The following SPMIP11 variants were observed in gnomAD, a reference collection of about 807,000 sequenced individuals.
The protein encoded by SPMIP11 is long intergenic non-protein coding RNA 935.
At chr12:48,729,175 G>A in the SPMIP11 span, among the ~76,000 whole-genome samples, 896 of 152,314 alleles carry the variant, frequency 5.9e-3, 8 homozygotes, top group African/African-American at 0.02. Flanking sequence ...ACTGAGGCGG[G>A]CAGATCATGA....
the SPMIP11 span, among the ~76,000 whole-genome samples, chr12:48,735,171 C>T: frequency 1.3e-5 from 2 of 152,076 alleles, no homozygotes; most frequent in Non-Finnish European, 2.9e-5. Flanking sequence ...CCTGAATGAG[C>T]CTGGAAGTAG....
At chr12:48,741,961 C>T in the SPMIP11 span, among the ~76,000 whole-genome samples, 2 of 152,162 alleles carry the variant, frequency 1.3e-5, no homozygotes, top group Non-Finnish European at 2.9e-5. Context: ...CTTCATCAAA[C>T]TTTCACCCAC....
At chr12:48,767,757 C>T in the SPMIP11 span, 1 of 152,774 alleles carries the variant, frequency 6.5e-6, no homozygotes, top group African/African-American at 2.4e-5. Context: ...AGATCAGAGT[C>T]TGGCACTGCC....
At chr12:48,756,015 C>A in the SPMIP11 span, among the ~76,000 whole-genome samples, 1 of 151,288 alleles carries the variant, frequency 6.6e-6, no homozygotes, top group Non-Finnish European at 1.5e-5. Flanking sequence ...GCAGCTGGGA[C>A]TACAGGCCCC....
chr12:48,742,561 C>T, the SPMIP11 span, among the ~76,000 whole-genome samples: 1 of 151,970 alleles, frequency 6.6e-6, no homozygotes, highest in Non-Finnish European at 1.5e-5. Flanking sequence ...ATTACAGGCC[C>T]GTGCCCGGCC....
chr12:48,737,124 T>G, the SPMIP11 span, among the ~76,000 whole-genome samples: 3 of 151,994 alleles, frequency 2.0e-5, no homozygotes, highest in South Asian at 6.2e-4. Flanking sequence ...TAATTTTTTG[T>G]ATTTTTTCTA....
the SPMIP11 span, among the ~76,000 whole-genome samples, chr12:48,764,406 T>C: frequency 6.6e-6 from 1 of 152,180 alleles, no homozygotes. Context: ...TAATAGCATC[T>C]AAATGTGAGG....
the SPMIP11 span, among the ~76,000 whole-genome samples, chr12:48,737,676 A>G: frequency 2.0e-5 from 3 of 152,028 alleles, no homozygotes; most frequent in African/African-American, 7.3e-5. Flanking sequence ...CGGCCTCCCA[A>G]AGTGCTGGGA....
At chr12:48,745,140 G>C in the SPMIP11 span, among the ~76,000 whole-genome samples, 348 of 151,652 alleles carry the variant, frequency 2.3e-3, 1 homozygote, top group African/African-American at 7.9e-3. Flanking sequence ...GCTTGGTGGC[G>C]GGCGCCTGTA....
the SPMIP11 span, among the ~76,000 whole-genome samples, chr12:48,750,963 C>G: frequency 1.3e-5 from 2 of 152,198 alleles, no homozygotes; most frequent in South Asian, 4.1e-4. Context: ...GGTCCCTTAG[C>G]TAGGCCTTTA....
the SPMIP11 span, among the ~76,000 whole-genome samples, chr12:48,747,697 A>G: frequency 6.6e-6 from 1 of 152,184 alleles, no homozygotes; most frequent in Admixed American, 6.5e-5. Context: ...TTTTGCTTCA[A>G]CCATATCATT....
chr12:48,739,016 C>A, the SPMIP11 span, among the ~76,000 whole-genome samples: 1 of 151,110 alleles, frequency 6.6e-6, no homozygotes, highest in East Asian at 1.9e-4. Context: ...ATTTTTGGTC[C>A]TCTGATTTTC....
chr12:48,764,840 C>A, the SPMIP11 span: 7 of 702,454 alleles, frequency 1.0e-5, no homozygotes, highest in Non-Finnish European at 1.8e-5. Flanking sequence ...CCCTTCCCCC[C>A]ACCCATTCAG....
chr12:48,751,659 C>T, the SPMIP11 span, among the ~76,000 whole-genome samples: 1 of 152,146 alleles, frequency 6.6e-6, no homozygotes, highest in Non-Finnish European at 1.5e-5. Flanking sequence ...ATTCAGGAGG[C>T]TAACTCACAC....
At chr12:48,732,178 A>G in the SPMIP11 span, among the ~76,000 whole-genome samples, 1 of 151,952 alleles carries the variant, frequency 6.6e-6, no homozygotes, top group Non-Finnish European at 1.5e-5. Context: ...AAGCCCCTCA[A>G]ACCCCATTGG....
At chr12:48,736,035 G>T in the SPMIP11 span, 1 of 439,852 alleles carries the variant, frequency 2.3e-6, no homozygotes, top group Non-Finnish European at 4.5e-6. Flanking sequence ...AAGTTTCACT[G>T]CTAAGCCAAA....
chr12:48,745,293 A>G, the SPMIP11 span, among the ~76,000 whole-genome samples: 2 of 151,504 alleles, frequency 1.3e-5, no homozygotes, highest in Non-Finnish European at 2.9e-5. Flanking sequence ...AAAAAAAGAG[A>G]ATAAAAAGAT....
the SPMIP11 span, among the ~76,000 whole-genome samples, chr12:48,769,670 T>C: frequency 6.7e-6 from 1 of 149,506 alleles, no homozygotes; most frequent in African/African-American, 2.5e-5. Flanking sequence ...CACTGCAACC[T>C]CTGCCTCCCA....
chr12:48,749,620 A>G, the SPMIP11 span, among the ~76,000 whole-genome samples: 3 of 133,682 alleles, frequency 2.2e-5, no homozygotes, highest in African/African-American at 2.8e-5. Context: ...GGGCAACAAG[A>G]GTGAAACTCG....
Sources: allele counts gnomAD v4.1 joint callset (sites outside exome capture counted in the v4.1 genomes callset), GRCh38; gene constraint gnomAD v4.1.1; transcripts MANE v1.5; gene names NCBI Gene and HGNC (gene_info 2026-07-23, HGNC 2026-07-21).